The following FREM3 variants were observed in gnomAD, a reference collection of about 807,000 sequenced individuals.
The protein encoded by FREM3 is FRAS1 related extracellular matrix 3.
Under a neutral mutation model 129.1 loss-of-function variants are expected in FREM3, and 105 were observed. The ratio of observed to expected loss-of-function variants is 0.81; its 90% CI spans 0.69 to 0.96. The LOEUF (loss-of-function observed/expected upper bound fraction) is 0.96, where lower values mean the gene tolerates loss of function less well. Ranked by LOEUF, FREM3 falls within the 40% of genes least tolerant of loss-of-function variation. The pLI is 0.00. For missense variants in FREM3, 2,593 were observed against 2,666.3 expected, an observed-to-expected ratio of 0.97 and a Z score of 0.61; for synonymous variants, 1,014 against 1,044.9, an observed-to-expected ratio of 0.97 and a Z score of 0.57.
At chr4:143,646,839 G>A (rs1047380795) in intron 2 of FREM3, among the ~76,000 whole-genome samples, 4 of 152,184 alleles carry the variant, frequency 2.6e-5, no homozygotes, top group African/African-American at 9.7e-5. Flanking sequence ...TTTGGAACTG[G>A]ACAACTGGCA....
At chr4:143,628,055 G>A (rs992832806) in intron 2 of FREM3, among the ~76,000 whole-genome samples, 1 of 151,890 alleles carries the variant, frequency 6.6e-6, no homozygotes, top group African/African-American at 2.4e-5. Context: ...TTTAAATTCA[G>A]GTCATACTCA....
intron 2 of FREM3, among the ~76,000 whole-genome samples, chr4:143,672,894 A>G (rs960420743): frequency 1.3e-5 from 2 of 152,174 alleles, no homozygotes; most frequent in African/African-American, 4.8e-5. Context: ...CAGCTAATGA[A>G]GCTTGTGCAT....
At position 143,585,776 on chromosome 4, in the gene FREM3, T is replaced by C. The variant is rs1018395916; in HGVS notation, c.6178+68A>G. 1 of 1,467,078 alleles carries C rather than the reference T, an allele frequency of 6.8e-7. No individual in the cohort carries two copies. The highest frequency in any genetic ancestry group is 9.1e-7 in the Non-Finnish European group (1 of 1,094,958). The allele number at this position is 1,467,078 out of a possible 1,614,324, so 90.9% of individuals were successfully genotyped here. Reference sequence around the variant, plus strand: ...CAACAAAGACTAAGCATGCTTACACTTAACAGACTAGACTCCACCATAAAC... The same window carrying C: ...CAACAAAGACTAAGCATGCTTACACCTAACAGACTAGACTCCACCATAAAC... On this transcript the variant is annotated intron_variant, in intron 7 of 7. Transcript: ENST00000329798. The surrounding 1 kb of genome is among the most constrained non-coding windows in gnomAD (Gnocchi z 4.2).
In FREM3 at chr4:143,622,657, A is replaced by G. The variant is rs760760382; in HGVS notation, c.5653+1451T>C. On this transcript the variant is annotated intron_variant, in intron 4 of 7. Coordinates refer to ENST00000329798, the MANE Select transcript of FREM3 (RefSeq NM_001168235.2). ...ACTATCTTGACACCTTTCGATTCAAAACGTTGGCATCATGGAAGAAGCTAA... is the reference window on the plus strand; with the variant it reads ...ACTATCTTGACACCTTTCGATTCAAGACGTTGGCATCATGGAAGAAGCTAA... Among the ~76,000 whole-genome samples the G allele has an allele frequency of 5.1e-4, 77 of 152,036 alleles. 1 individual carries two copies. Among genetic ancestry groups the G allele is most frequent in the Non-Finnish European group, 2.1e-4 (14 of 68,000 alleles).
rs1175279567 is a variant in FREM3 at position 143,695,712 on chromosome 4, A to G, written c.4964T>C (p.Leu1655Ser). 14 of 1,537,230 alleles carry G rather than the reference A, an allele frequency of 9.1e-6. No homozygotes were observed. The South Asian group carries it at 1.1e-4, about 12-fold the overall frequency. ...PQVMRVQIRS[L>S]DNRLPQITTN... ...AGTAATCTGGGGAAGCCTATTGTCT[A>G]ATGATCTTATCTGGACCCTCATTAC... The change falls in exon 1 of 8, where the codon TTA (leucine) becomes TCA (serine). Residue 1655 changes from leucine to serine, a missense_variant. Physicochemically the swap from Leu to Ser is moderately radical, Grantham distance 145. This residue lies in a region of FREM3 where 2,276 missense variants were observed against 2,267.2 expected (regional missense o/e 1.00). Transcript: ENST00000329798.
intron 2 of FREM3, among the ~76,000 whole-genome samples, chr4:143,670,950 G>A (rs1739954510): frequency 6.6e-6 from 1 of 151,942 alleles, no homozygotes; most frequent in Non-Finnish European, 1.5e-5. Context: ...ATGTTTTAAT[G>A]CAAATACTAA....
At chr4:143,659,926 G>T (rs1560861037) in intron 2 of FREM3, among the ~76,000 whole-genome samples, 1 of 151,632 alleles carries the variant, frequency 6.6e-6, no homozygotes, top group Non-Finnish European at 1.5e-5. Flanking sequence ...TTTTGATGGG[G>T]TTGTTTGTTT....
intron 2 of FREM3, among the ~76,000 whole-genome samples, chr4:143,655,213 A>C (rs886802987): frequency 1.3e-5 from 2 of 152,182 alleles, no homozygotes; most frequent in African/African-American, 4.8e-5. Context: ...AATTCAGGGG[A>C]GAGAAAAATT....
At position 143,700,455 on chromosome 4, in the gene FREM3, C is replaced by G. The variant is rs1365955317; in HGVS notation, c.221G>C (p.Gly74Ala). 10 of 1,517,202 alleles carry G rather than the reference C, an allele frequency of 6.6e-6. 1 individual carries two copies. Among genetic ancestry groups the G allele is most frequent in the Non-Finnish European group, 8.8e-6 (10 of 1,135,892 alleles). The allele number at this position is 1,517,202 out of a possible 1,614,324, so 94.0% of individuals were successfully genotyped here. A position where few individuals can be genotyped will look rare whatever the true frequency, so the allele number is the denominator to read the frequency against. Residue 74 changes from glycine to alanine, a missense_variant, in exon 1 of 8, where the codon GGT (glycine) becomes GCT (alanine). By Grantham distance (60) the Gly-to-Ala change is moderately conservative (BLOSUM62 0). This residue lies in a region of FREM3 where 2,276 missense variants were observed against 2,267.2 expected (regional missense o/e 1.00). Transcript: ENST00000329798. Reference protein sequence around the residue: ...IANPGLRVPLGRSLWLDPLRD... With the variant: ...IANPGLRVPLARSLWLDPLRD... ...GAGCGGGTCGAGCCAAAGGGAACGA[C>G]CCAGGGGCACCCGGAGTCCAGGGTT...
Position 143,698,085 on chromosome 4 carries a change from A to G in FREM3, c.2591T>C (p.Ile864Thr), listed in dbSNP as rs1400266042. 2.0e-6 allele frequency: 3 copies of G among 1,537,376 alleles called. No homozygotes were observed. Among genetic ancestry groups the G allele is most frequent in the Middle Eastern group, 1.7e-4 (1 of 5,990 alleles). ...VTDPDTDIDQ[I>T]VFILVRGPQH... is the part of the protein sequence containing the mutation. ...GGGACCCCGGACTAATATGAAGACA[A>G]TTTGGTCAATGTCTGTGTCTGGGTC... Residue 864 changes from isoleucine to threonine, a missense_variant, in exon 1 of 8, where the codon ATT becomes ACT. By Grantham distance (89) the Ile-to-Thr change is moderately conservative. Around this residue, in one of 2 missense-constraint regions of FREM3, gnomAD observed 2,276 missense variants for 2,267.2 expected, o/e 1.00. Transcript: ENST00000329798.
intron 6 of FREM3, among the ~76,000 whole-genome samples, chr4:143,609,563 C>T (rs1489334460): frequency 6.6e-6 from 1 of 152,110 alleles, no homozygotes; most frequent in Non-Finnish European, 1.5e-5. Context: ...CTGTAGCACT[C>T]GGTGTGGGTA....
At chr4:143,677,424 A>G (rs1009756207) in intron 2 of FREM3, among the ~76,000 whole-genome samples, 3 of 152,116 alleles carry the variant, frequency 2.0e-5, no homozygotes, top group Non-Finnish European at 1.5e-5. Flanking sequence ...ATGTTAAACC[A>G]AAAGCCATAA....
In FREM3 at chr4:143,670,949, T is replaced by C. The variant is rs1739954456; in HGVS notation, c.5275+22164A>G. On this transcript the variant is annotated intron_variant, in intron 2 of 7. Coordinates refer to ENST00000329798, the MANE Select transcript of FREM3 (RefSeq NM_001168235.2). ...AGAAACATGAATGCAAATGTTTTAATGCAAATACTAAAAGATAAAGAGACC... is the reference window on the plus strand; with the variant it reads ...AGAAACATGAATGCAAATGTTTTAACGCAAATACTAAAAGATAAAGAGACC... 2.0e-5 allele frequency among the ~76,000 whole-genome samples: 3 copies of C among 152,238 alleles called. No homozygotes were observed. The South Asian group carries it at 6.2e-4, about 32-fold the overall frequency.
intron 6 of FREM3, among the ~76,000 whole-genome samples, chr4:143,601,087 T>C (rs1738564712): frequency 6.7e-6 from 1 of 149,076 alleles, no homozygotes; most frequent in African/African-American, 2.6e-5. Flanking sequence ...GCACTTGTTT[T>C]ATAATATGAC....
intron 5 of FREM3, among the ~76,000 whole-genome samples, chr4:143,619,441 A>G (rs1429427833): frequency 6.6e-6 from 1 of 152,198 alleles, no homozygotes; most frequent in Non-Finnish European, 1.5e-5. Flanking sequence ...GCGCAAGCAG[A>G]ATGAACCTGG....
intron 4 of FREM3, 85 bp downstream of exon 4, chr4:143,623,994 TAAATGGATATGAACGCATTTAGTGGCTTA>T: frequency 1.6e-6 from 1 of 629,782 alleles, no homozygotes; most frequent in Non-Finnish European, 2.8e-6. Flanking sequence ...CTTTAAATCC[TAAATGGATATGAACGCATTTAGTGGCTTA>T]CAGAGCCTGA....
intron 2 of FREM3, among the ~76,000 whole-genome samples, chr4:143,630,614 G>A (rs1037345969): frequency 5.3e-5 from 8 of 152,064 alleles, no homozygotes; most frequent in African/African-American, 1.9e-4. Flanking sequence ...TGACATCACC[G>A]GCTAATCAAT....
rs1229998515 is a variant in FREM3 at position 143,577,600 on chromosome 4, C to T, written c.*11G>A. The T allele has an allele frequency of 1.3e-6, 2 of 1,532,966 alleles. No homozygotes were observed. Among genetic ancestry groups the T allele is most frequent in the Admixed American group, 2.0e-5 (1 of 50,390 alleles). 95.0% of individuals were successfully genotyped at this position (1,532,966 alleles called of 1,614,324 possible). ...ACATATCTTGGCTGTTTTTTTCCCTCTTAAAGTCTTTCAATCAAAGGAACT... is the reference window on the plus strand; with the variant it reads ...ACATATCTTGGCTGTTTTTTTCCCTTTTAAAGTCTTTCAATCAAAGGAACT... On this transcript the variant is annotated 3_prime_UTR_variant, in exon 8 of 8. Transcript: ENST00000329798.
At chr4:143,677,074 C>T (rs577697529) in intron 2 of FREM3, among the ~76,000 whole-genome samples, 17 of 152,234 alleles carry the variant, frequency 1.1e-4, no homozygotes, top group African/African-American at 2.4e-4. Context: ...AAAAAGAGCC[C>T]GCATTGCCAA....
Sources: gnomAD v4.1 joint callset for allele counts (sites outside exome capture counted in the v4.1 genomes callset) on GRCh38, gnomAD v4.1.1 for gene constraint, gnomAD v4.1.1 regional missense constraint, Gnocchi (gnomAD v3.1) non-coding constraint, MANE v1.5 for transcripts, NCBI Gene and HGNC (gene_info 2026-07-23, HGNC 2026-07-21) for gene names.